Variants in KANSL1L observed in about 807,000 individuals in gnomAD.
KANSL1L encodes the protein KAT8 regulatory NSL complex subunit 1 like, also known as KAT8 regulatory NSL complex subunit 1-like protein.
Under a neutral mutation model 108.6 loss-of-function variants are expected in KANSL1L, and 25 were observed. The ratio of observed to expected loss-of-function variants is 0.23; its 90% CI spans 0.17 to 0.32. The LOEUF is 0.32. Ranked by LOEUF, KANSL1L falls within the 10% of genes least tolerant of loss-of-function variation. KANSL1L has a pLI of 1.00. For missense variants in KANSL1L, 1,137 were observed against 1,125.7 expected (o/e 1.01, Z -0.14); for synonymous variants, 405 against 395.1 (o/e 1.03, Z -0.30).
chr2:210,044,198 C>T lies in KANSL1L; in HGVS notation c.1756-94G>A. 1 of 837,642 alleles carries T rather than the reference C, an allele frequency of 1.2e-6. No homozygotes were observed. The highest frequency in any genetic ancestry group is 1.7e-6 in the Non-Finnish European group (1 of 591,382). The allele number at this position is 837,642 out of a possible 1,614,324, so 51.9% of individuals were successfully genotyped here. A position where few individuals can be genotyped will look rare whatever the true frequency, so the allele number is the denominator to read the frequency against. ...TTAGGTTATCTTTAAATAAAATTTT[C>T]CAGTTCTACAAAAAGTTTTACAAAT... On this transcript the variant is annotated intron_variant, in intron 6 of 14. Coordinates refer to ENST00000281772, the MANE Select transcript of KANSL1L (RefSeq NM_152519.4). The surrounding 1 kb of genome is among the most constrained non-coding windows in gnomAD (Gnocchi z 4.2).
chr2:210,155,706 T>A (rs1403373742), intron 1 of KANSL1L, among the ~76,000 whole-genome samples: 1 of 152,178 alleles, frequency 6.6e-6, no homozygotes, highest in East Asian at 1.9e-4. Flanking sequence ...GGCAACCCAG[T>A]ACCCTTAAAC....
intron 3 of KANSL1L, among the ~76,000 whole-genome samples, chr2:210,107,555 G>A (rs1300847515): frequency 6.7e-6 from 1 of 148,818 alleles, no homozygotes; most frequent in Non-Finnish European, 1.5e-5. Flanking sequence ...TTGAGACAGA[G>A]TCTTGTTCTA....
chr2:210,151,327 T>C (rs1202175585), intron 2 of KANSL1L: 1 of 152,170 alleles, frequency 6.6e-6, no homozygotes, highest in African/African-American at 2.4e-5. Context: ...TGCCCAAAAG[T>C]TTCTTATTCT....
Position 210,024,163 on chromosome 2 carries a change from A to T in KANSL1L, c.2603T>A (p.Leu868Ter). 1 of 1,605,638 alleles carries T rather than the reference A, an allele frequency of 6.2e-7. No individual in the cohort carries two copies. The highest frequency in any genetic ancestry group is 1.7e-5 in the Admixed American group (1 of 58,698). The change falls in exon 14 of 15, where the codon TTG (leucine) becomes TAG (stop). Residue 868 changes from leucine to a stop codon, truncating the protein, a stop_gained. Transcript: ENST00000281772. LOFTEE classifies it high-confidence loss of function. ...SKNVEGQDLL[L>*]KEYPNNFSSS... ...ACTGAAGTTATTAGGGTATTCTTTC[A>T]AAAGCAAGTCCTGTCCTTCAACATT...
intron 2 of KANSL1L, among the ~76,000 whole-genome samples, chr2:210,143,754 T>G (rs573135158): frequency 5.3e-5 from 8 of 152,298 alleles, no homozygotes; most frequent in Non-Finnish European, 8.8e-5. Context: ...TTATTCCTCC[T>G]ATTCTATGCT....
chr2:210,025,513 C>T (rs896055459), intron 12 of KANSL1L, among the ~76,000 whole-genome samples: 2 of 152,156 alleles, frequency 1.3e-5, no homozygotes, highest in South Asian at 2.1e-4. Context: ...CAAGATCGTG[C>T]CACTGCACTC....
intron 6 of KANSL1L, among the ~76,000 whole-genome samples, chr2:210,053,869 A>G (rs2125238696): frequency 6.6e-6 from 1 of 152,216 alleles, no homozygotes; most frequent in South Asian, 2.1e-4. Flanking sequence ...ATATAGATAA[A>G]GAGCTCCTAC....
intron 2 of KANSL1L, among the ~76,000 whole-genome samples, chr2:210,149,309 G>A (rs942174452): frequency 6.6e-5 from 10 of 152,052 alleles, no homozygotes; most frequent in African/African-American, 2.2e-4. Flanking sequence ...TAGCCTATAC[G>A]ATAAAAGAGT....
At chr2:210,144,720 G>A (rs536715442) in intron 2 of KANSL1L, among the ~76,000 whole-genome samples, 1 of 151,994 alleles carries the variant, frequency 6.6e-6, no homozygotes, top group African/African-American at 2.4e-5. Flanking sequence ...TTGTTTTCCT[G>A]ATTTTGTTGA....
intron 1 of KANSL1L, among the ~76,000 whole-genome samples, chr2:210,154,976 T>A (rs1323742236): frequency 6.6e-6 from 1 of 152,112 alleles, no homozygotes; most frequent in Non-Finnish European, 1.5e-5. Context: ...GTGACTCAAT[T>A]GTGTACTTTC....
In KANSL1L at chr2:210,129,103, T is replaced by G; in HGVS notation, c.1158A>C (p.Gln386His). ...ARVGSRWTWL[Q>H]AQISDLECKI... The stretch of plus-strand genomic sequence containing the variant: ...TGCATTCTAGGTCTGAAATCTGAGC[T>G]TGAAGCCAAGTCCATCGGCTGCCAA... Residue 386 changes from glutamine (Q) to histidine (H), a missense_variant, in exon 3 of 15, where the codon CAA becomes CAC. Gln to His is a conservative substitution (Grantham distance 24). Transcript: ENST00000281772. 5 of 1,613,986 alleles carry G rather than the reference T, an allele frequency of 3.1e-6. No individual in the cohort carries two copies. The highest frequency in any genetic ancestry group is 4.2e-6 in the Non-Finnish European group (5 of 1,179,870).
intron 2 of KANSL1L, chr2:210,151,350 A>T (rs1340622054): frequency 1.3e-5 from 2 of 152,192 alleles, no homozygotes; most frequent in Admixed American, 6.5e-5. Context: ...TTTCTAGCTT[A>T]AAAAAGACAA....
At chr2:210,082,273 C>A (rs972306219) in intron 5 of KANSL1L, among the ~76,000 whole-genome samples, 1 of 152,182 alleles carries the variant, frequency 6.6e-6, no homozygotes, top group Middle Eastern at 3.2e-3. Context: ...AGAAAGATTA[C>A]AACATGATAG....
chr2:210,115,853 G>T (rs541863572), intron 3 of KANSL1L, among the ~76,000 whole-genome samples: 1 of 152,152 alleles, frequency 6.6e-6, no homozygotes, highest in African/African-American at 2.4e-5. Context: ...GCATGAGAGA[G>T]GGGAGGCAGA....
intron 5 of KANSL1L, among the ~76,000 whole-genome samples, chr2:210,077,100 A>C (rs776693170): frequency 1.3e-4 from 20 of 152,306 alleles, no homozygotes; most frequent in Non-Finnish European, 2.6e-4. Flanking sequence ...AGTAATAAGA[A>C]ACCAGAAATA....
At chr2:210,037,914 C>T (rs1293480021) in intron 8 of KANSL1L, among the ~76,000 whole-genome samples, 1 of 152,038 alleles carries the variant, frequency 6.6e-6, no homozygotes, top group Non-Finnish European at 1.5e-5. Flanking sequence ...CAGGCTTATT[C>T]AAATCAATCT....
Position 210,049,457 on chromosome 2 carries a change from G to T in KANSL1L, c.1756-5353C>A, listed in dbSNP as rs80019026. The stretch of plus-strand genomic sequence containing the variant: ...GTAATGTTCCTACCATACCACTGGA[G>T]TCAGAAGTGCAGAATTGGACCTAGC... On this transcript the variant is annotated intron_variant, in intron 6 of 14. Coordinates refer to ENST00000281772, the MANE Select transcript of KANSL1L (RefSeq NM_152519.4). Among the ~76,000 whole-genome samples, 491 of 152,018 alleles carry T rather than the reference G, an allele frequency of 3.2e-3. 3 individuals are homozygous for T. Among genetic ancestry groups the T allele is most frequent in the Non-Finnish European group, 5.2e-3 (353 of 67,984 alleles).
chr2:210,049,109 C>T (rs1258725927), intron 6 of KANSL1L, among the ~76,000 whole-genome samples: 4 of 152,084 alleles, frequency 2.6e-5, no homozygotes, highest in African/African-American at 9.7e-5. Context: ...AGACTCTTGG[C>T]TTTATGAAGG....
intron 3 of KANSL1L, among the ~76,000 whole-genome samples, chr2:210,115,032 AAAAC>A (rs1291683858): frequency 6.6e-6 from 1 of 152,118 alleles, no homozygotes; most frequent in African/African-American, 2.4e-5. Context: ...CAGGAAATGA[AAAAC>A]AAAAAAGGTA....
Sources: allele counts gnomAD v4.1 joint callset (sites outside exome capture counted in the v4.1 genomes callset), GRCh38; gene constraint gnomAD v4.1.1; non-coding constraint Gnocchi (gnomAD v3.1); transcripts MANE v1.5; gene names NCBI Gene and HGNC (gene_info 2026-07-23, HGNC 2026-07-21).